Variants in AKIP1 observed in about 807,000 individuals in gnomAD.
AKIP1 encodes A-kinase-interacting protein 1.
In AKIP1, 18 loss-of-function variants were observed where a neutral mutation model predicts 22.3. That is an observed-to-expected ratio of 0.81 (90% confidence interval 0.56 to 1.19). The LOEUF is 1.19. Ranked by LOEUF, AKIP1 falls within the 50% of genes most tolerant of loss-of-function variation. AKIP1 has a pLI of 0.00. For synonymous variants in AKIP1, 120 were observed against 102.7 expected (o/e 1.17, Z -1.02); for missense variants, 287 against 264.6 (o/e 1.08, Z -0.59).
At chr11:8,911,741 C>T (rs1021052429) in intron 2 of AKIP1, 70 bp downstream of exon 2, 8 of 1,406,960 alleles carry the variant, frequency 5.7e-6, no homozygotes, top group Non-Finnish European at 6.6e-6. Flanking sequence ...GCCAGGGGTG[C>T]GCAGCGCAGA....
In AKIP1 at chr11:8,919,780, G is replaced by A; in HGVS notation, c.*300G>A. The A allele has an allele frequency of 4.4e-6, 1 of 229,878 alleles. No individual in the cohort carries two copies. The highest frequency in any genetic ancestry group is 8.5e-6 in the Non-Finnish European group (1 of 117,192). The allele number at this position is 229,878 out of a possible 1,614,324, so 14.2% of individuals were successfully genotyped here. A position where few individuals can be genotyped will look rare whatever the true frequency, so the allele number is the denominator to read the frequency against. On this transcript the variant is annotated 3_prime_UTR_variant, in exon 6 of 6. Coordinates refer to ENST00000309377, the MANE Select transcript of AKIP1 (RefSeq NM_020642.4). Reference sequence around the variant, plus strand: ...GCCTCCCGAGTAGCTGGCACTACAGGCACCCGCCACCATGCCCGGCTATTT... The same window carrying A: ...GCCTCCCGAGTAGCTGGCACTACAGACACCCGCCACCATGCCCGGCTATTT...
intron 5 of AKIP1, among the ~76,000 whole-genome samples, chr11:8,918,549 T>G (rs2064522875): frequency 6.6e-6 from 1 of 152,220 alleles, no homozygotes; most frequent in African/African-American, 2.4e-5. Flanking sequence ...TTAAGCAAGC[T>G]TGTAATGGCA....
chr11:8,920,076 TGAA>T, exon 6 of AKIP1: 1 of 229,848 alleles, frequency 4.4e-6, no homozygotes, highest in East Asian at 8.4e-5. Flanking sequence ...GATTTGGAAA[TGAA>T]GAGAATTCAT....
intron 5 of AKIP1, among the ~76,000 whole-genome samples, chr11:8,918,570 C>T (rs2064523181): frequency 6.6e-6 from 1 of 152,166 alleles, no homozygotes; most frequent in Non-Finnish European, 1.5e-5. Context: ...TCCCAGGTGT[C>T]ACTCTGGCCC....
chr11:8,919,484 T>G lies in AKIP1; in HGVS notation c.*4T>G. 1 of 1,612,364 alleles carries G rather than the reference T, an allele frequency of 6.2e-7. No individual in the cohort carries two copies. Among genetic ancestry groups the G allele is most frequent in the South Asian group, 1.1e-5 (1 of 90,692 alleles). ...GGACCTGGTCTTCCCTGTGTGATGT[T>G]GACCATCACTGCCATCACATCACCT... is the stretch of plus-strand genomic sequence containing the variant. On this transcript the variant is annotated 3_prime_UTR_variant, in exon 6 of 6. Coordinates refer to ENST00000309377, the MANE Select transcript of AKIP1 (RefSeq NM_020642.4).
chr11:8,911,349 A>C (rs1051074787), intron 1 of AKIP1, 95 bp from the exon 2 acceptor site: 10 of 1,122,408 alleles, frequency 8.9e-6, no homozygotes, highest in Non-Finnish European at 1.3e-5. Flanking sequence ...GGTGGTCTCC[A>C]GGGAGGTCGA....
chr11:8,918,635 A>G (rs1158829433), intron 5 of AKIP1, among the ~76,000 whole-genome samples: 2 of 152,168 alleles, frequency 1.3e-5, no homozygotes, highest in Non-Finnish European at 2.9e-5. Context: ...ATTTGAACTG[A>G]GACCCATCCT....
At chr11:8,912,327 A>T in intron 2 of AKIP1, 126 bp from the exon 3 acceptor site, 1 of 720,652 alleles carries the variant, frequency 1.4e-6, no homozygotes, top group East Asian at 2.6e-5. Context: ...TCTCAATAAC[A>T]TCGTTCTTTC....
At position 8,919,611 on chromosome 11, in the gene AKIP1, T is replaced by C. The variant is rs771938572; in HGVS notation, c.*131T>C. On this transcript the variant is annotated 3_prime_UTR_variant, in exon 6 of 6. Transcript: ENST00000309377. The stretch of plus-strand genomic sequence containing the variant: ...TGGGTCAGCCTTCCGGGAACTGGAG[T>C]CTGTCTCTTTCAGTGCTTTTTTGTT... The C allele has an allele frequency of 2.0e-6, 2 of 994,152 alleles. No homozygotes were observed. The highest frequency in any genetic ancestry group is 3.0e-6 in the Non-Finnish European group (2 of 673,490). The allele number at this position is 994,152 out of a possible 1,614,324, so 61.6% of individuals were successfully genotyped here.
rs2064454074 is a variant in AKIP1 at position 8,914,867 on chromosome 11, T to C, written c.345T>C (p.His115=). Residue 115 remains histidine, a synonymous_variant, in exon 4 of 6, where the codon CAT becomes CAC. Coordinates refer to ENST00000309377, the MANE Select transcript of AKIP1 (RefSeq NM_020642.4). The stretch of plus-strand genomic sequence containing the variant: ...TGCCAGAGGAAGGAGGGGCAACCCA[T>C]GTCTATCGTTATCACAGAGGCGAGT... ...SSVPEEGGAT[H]VYRYHRGESK... 6.2e-7 allele frequency: 1 copy of C among 1,614,038 alleles called. No homozygotes were observed. Among genetic ancestry groups the C allele is most frequent in the East Asian group, 2.2e-5 (1 of 44,882 alleles).
At chr11:8,913,311 C>T (rs1285660003) in intron 3 of AKIP1, among the ~76,000 whole-genome samples, 1 of 151,920 alleles carries the variant, frequency 6.6e-6, no homozygotes, top group Non-Finnish European at 1.5e-5. Flanking sequence ...CCTCAGCCTC[C>T]CGAGTAGCTG....
rs577895944 is a variant in AKIP1 at position 8,912,953 on chromosome 11, C to T, written c.303+420C>T. On this transcript the variant is annotated intron_variant, in intron 3 of 5. Coordinates refer to ENST00000309377, the MANE Select transcript of AKIP1 (RefSeq NM_020642.4). ...GCAGTGGTGTGATCTCGGCTCACTG[C>T]AAGCTCTCCCTCCTGGGTTCACACC... Among the ~76,000 whole-genome samples, 9 of 141,440 alleles carry T rather than the reference C, an allele frequency of 6.4e-5. No individual in the cohort carries two copies. In the South Asian group the frequency reaches 1.8e-3, roughly 28 times the overall value. 92.8% of individuals were successfully genotyped at this position (141,440 alleles called of 152,430 possible). A position where few individuals can be genotyped will look rare whatever the true frequency, so the allele number is the denominator to read the frequency against.
At chr11:8,912,330 G>C (rs1589916228) in intron 2 of AKIP1, 123 bp from the exon 3 acceptor site, 4 of 726,626 alleles carry the variant, frequency 5.5e-6, no homozygotes, top group Admixed American at 4.4e-5. Context: ...CAATAACATC[G>C]TTCTTTCTGA....
intron 1 of AKIP1, 86 bp downstream of exon 1, chr11:8,911,309 TG>T: frequency 2.6e-6 from 2 of 756,482 alleles, no homozygotes; most frequent in Middle Eastern, 3.9e-4. Context: ...GGGCTCCCGC[TG>T]GAGTGTGCGT....
At chr11:8,914,431 C>G (rs1248682424) in intron 3 of AKIP1, among the ~76,000 whole-genome samples, 3 of 152,210 alleles carry the variant, frequency 2.0e-5, no homozygotes, top group African/African-American at 7.2e-5. Context: ...TTCCCGTGTC[C>G]TGGTCTGAGA....
intron 4 of AKIP1, among the ~76,000 whole-genome samples, chr11:8,915,816 TTTC>T (rs1240713964): frequency 3.0e-5 from 4 of 135,174 alleles, no homozygotes; most frequent in East Asian, 2.1e-4. Context: ...TGTATTTTTC[TTTC>T]TTTTTTTTTT....
At chr11:8,917,601 T>C (rs3763915) in intron 5 of AKIP1, 34,980 of 537,106 alleles carry the variant, frequency 0.065, 1,854 homozygotes, top group East Asian at 0.2. Context: ...CTCATAGTTG[T>C]GGTTGGAAAG....
In AKIP1 at chr11:8,911,488, G is replaced by C; in HGVS notation, c.39G>C (p.Val13=). The C allele has an allele frequency of 6.2e-7, 1 of 1,606,526 alleles. No homozygotes were observed. Among genetic ancestry groups the C allele is most frequent in the Non-Finnish European group, 8.5e-7 (1 of 1,176,820 alleles). The change falls in exon 2 of 6, where the codon GTG becomes GTC. Residue 13 remains valine (V), a synonymous_variant. Coordinates refer to ENST00000309377, the MANE Select transcript of AKIP1 (RefSeq NM_020642.4). ...NCLAAAALNG[V]DRRSLQRSAR... ...TGGCGGCCGCAGCGCTGAATGGGGTGGACCGACGTTCCCTGCAGCGTTCAG... is the reference window on the plus strand; with the variant it reads ...TGGCGGCCGCAGCGCTGAATGGGGTCGACCGACGTTCCCTGCAGCGTTCAG...
Position 8,914,875 on chromosome 11 carries a change from G to A in AKIP1, c.353G>A (p.Arg118His), listed in dbSNP as rs183724545. 17 of 1,613,980 alleles carry A rather than the reference G, an allele frequency of 1.1e-5. No individual in the cohort carries two copies. Among genetic ancestry groups the A allele is most frequent in the East Asian group, 6.7e-5 (3 of 44,884 alleles). Residue 118 changes from arginine (R) to histidine (H), a missense_variant, in exon 4 of 6, where the codon CGT becomes CAT. Transcript: ENST00000309377. ...GAAGGAGGGGCAACCCATGTCTATC[G>A]TTATCACAGAGGCGAGTCGAAGCTG... is the stretch of plus-strand genomic sequence containing the variant. The part of the protein sequence containing the change: ...PEEGGATHVY[R>H]YHRGESKLHM...
Sources: gnomAD v4.1 joint callset for allele counts (sites outside exome capture counted in the v4.1 genomes callset) on GRCh38, gnomAD v4.1.1 for gene constraint, MANE v1.5 for transcripts, NCBI Gene and HGNC (gene_info 2026-07-23, HGNC 2026-07-21) for gene names.